Variants in STXBP5L observed in about 807,000 individuals in gnomAD.
STXBP5L encodes syntaxin-binding protein 5-like.
In STXBP5L, 65 loss-of-function variants were observed where a neutral mutation model predicts 144.5. That is an observed-to-expected ratio of 0.45 (90% confidence interval 0.37 to 0.55). The LOEUF (loss-of-function observed/expected upper bound fraction) is 0.55. Among genes scored for constraint, STXBP5L ranks in the 20% least tolerant of loss-of-function variants. The pLI is 0.00. For synonymous variants in STXBP5L, 505 were observed against 469.6 expected, an observed-to-expected ratio of 1.08 and a Z score of -0.97; for missense variants, 1,298 against 1,405.5, an observed-to-expected ratio of 0.92 and a Z score of 1.22.
intron 10 of STXBP5L, among the ~76,000 whole-genome samples, chr3:121,211,758 CT>C (rs1443861673): frequency 6.6e-6 from 1 of 151,528 alleles, no homozygotes; most frequent in African/African-American, 2.4e-5. Context: ...TTTGTATTTA[CT>C]TTAGAAGAGA....
At chr3:121,150,200 A>T in intron 7 of STXBP5L, among the ~76,000 whole-genome samples, 1 of 151,922 alleles carries the variant, frequency 6.6e-6, no homozygotes, top group East Asian at 1.9e-4. Flanking sequence ...TTTTTTTCAG[A>T]CACTAGTGTA....
intron 3 of STXBP5L, among the ~76,000 whole-genome samples, chr3:120,972,281 C>A (rs992358625): frequency 3.9e-5 from 6 of 152,000 alleles, no homozygotes; most frequent in Admixed American, 2.6e-4. Context: ...TTGTAGAGAT[C>A]TTTCACCTCC....
chr3:121,055,141 ATATT>A (rs554786013), intron 5 of STXBP5L, among the ~76,000 whole-genome samples: 105 of 152,286 alleles, frequency 6.9e-4, no homozygotes, highest in African/African-American at 2.4e-3. Flanking sequence ...GATAAATGTG[ATATT>A]TATCTCTTAA....
intron 9 of STXBP5L, among the ~76,000 whole-genome samples, chr3:121,192,130 C>A (rs1280894620): frequency 1.3e-5 from 2 of 152,172 alleles, no homozygotes; most frequent in Non-Finnish European, 2.9e-5. Context: ...AGCAAAGTCT[C>A]TGGATTCAAA....
intron 19 of STXBP5L, among the ~76,000 whole-genome samples, chr3:121,294,393 A>T (rs2051566087): frequency 6.6e-6 from 1 of 152,170 alleles, no homozygotes; most frequent in Non-Finnish European, 1.5e-5. Context: ...TTGAGATAGG[A>T]GGGGGCATGT....
chr3:121,028,988 C>T (rs1358000833), intron 3 of STXBP5L, among the ~76,000 whole-genome samples: 1 of 152,128 alleles, frequency 6.6e-6, no homozygotes, highest in African/African-American at 2.4e-5. Flanking sequence ...TGAAGGACCT[C>T]TTCAAGACGA....
intron 5 of STXBP5L, among the ~76,000 whole-genome samples, chr3:121,053,860 A>C (rs1049399818): frequency 1.3e-4 from 20 of 152,330 alleles, no homozygotes; most frequent in African/African-American, 4.6e-4. Context: ...GCTAATATCC[A>C]GAATCTACAA....
chr3:121,248,880 C>T (rs866988575), intron 14 of STXBP5L, among the ~76,000 whole-genome samples: 1 of 152,138 alleles, frequency 6.6e-6, no homozygotes, highest in Non-Finnish European at 1.5e-5. Flanking sequence ...CCAGTTATCC[C>T]AGCACCCCTT....
chr3:121,364,116 A>T (rs1373496667), intron 20 of STXBP5L, among the ~76,000 whole-genome samples: 1 of 152,150 alleles, frequency 6.6e-6, no homozygotes, highest in Non-Finnish European at 1.5e-5. Flanking sequence ...TACCAAATGT[A>T]ATGTCATTAA....
chr3:121,212,341 T>C (rs544234999), intron 10 of STXBP5L, among the ~76,000 whole-genome samples: 1 of 152,302 alleles, frequency 6.6e-6, no homozygotes, highest in South Asian at 2.1e-4. Context: ...GGTTTTATGG[T>C]TTTAGGTCTT....
At chr3:121,001,633 GA>G (rs1278850283) in intron 3 of STXBP5L, among the ~76,000 whole-genome samples, 2 of 152,168 alleles carry the variant, frequency 1.3e-5, no homozygotes, top group Admixed American at 6.5e-5. Flanking sequence ...TACATGGCAA[GA>G]GTGGGCCACT....
At chr3:121,229,048 T>C (rs1218159322) in intron 11 of STXBP5L, among the ~76,000 whole-genome samples, 1 of 152,192 alleles carries the variant, frequency 6.6e-6, no homozygotes, top group Non-Finnish European at 1.5e-5. Context: ...CAGAATTTCC[T>C]TCATAAGTTC....
chr3:121,184,199 T>A (rs1453050451), intron 9 of STXBP5L, among the ~76,000 whole-genome samples: 1 of 151,686 alleles, frequency 6.6e-6, no homozygotes, highest in Non-Finnish European at 1.5e-5. Context: ...GGAACAAAAC[T>A]GGACAGAGAA....
chr3:121,080,167 T>A (rs1302376661), intron 5 of STXBP5L, among the ~76,000 whole-genome samples: 1 of 152,224 alleles, frequency 6.6e-6, no homozygotes, highest in Non-Finnish European at 1.5e-5. Flanking sequence ...TTGGTTTCCA[T>A]TGGCATGGAA....
chr3:121,053,647 C>G (rs1373458611), intron 5 of STXBP5L, among the ~76,000 whole-genome samples: 3 of 152,212 alleles, frequency 2.0e-5, no homozygotes, highest in Non-Finnish European at 2.9e-5. Flanking sequence ...AGAAGAAAAC[C>G]TAGGCAATAC....
chr3:121,189,630 T>C (rs1468866376), intron 9 of STXBP5L, among the ~76,000 whole-genome samples: 1 of 152,248 alleles, frequency 6.6e-6, no homozygotes, highest in African/African-American at 2.4e-5. Flanking sequence ...TGTAGCCTTG[T>C]AGTATAGTTT....
intron 20 of STXBP5L, among the ~76,000 whole-genome samples, chr3:121,331,099 G>T (rs190825076): frequency 1.3e-5 from 2 of 152,182 alleles, no homozygotes; most frequent in Non-Finnish European, 2.9e-5. Flanking sequence ...TGCGGCTAGG[G>T]GAAGAGGGAG....
intron 3 of STXBP5L, among the ~76,000 whole-genome samples, chr3:120,999,799 T>A (rs1273331212): frequency 6.6e-6 from 1 of 152,234 alleles, no homozygotes; most frequent in African/African-American, 2.4e-5. Context: ...CATTTGCTTG[T>A]CTGAAAAATA....
intron 20 of STXBP5L, among the ~76,000 whole-genome samples, chr3:121,361,936 T>C (rs774559983): frequency 1.4e-4 from 21 of 152,320 alleles, no homozygotes; most frequent in Non-Finnish European, 1.3e-4. Flanking sequence ...TCCATACTTC[T>C]TGAAAGGCTT....
Sources: gnomAD v4.1 joint callset for allele counts (sites outside exome capture counted in the v4.1 genomes callset) on GRCh38, gnomAD v4.1.1 for gene constraint, MANE v1.5 for transcripts, NCBI Gene and HGNC (gene_info 2026-07-23, HGNC 2026-07-21) for gene names.